Variants in MAP4 observed in about 807,000 individuals in gnomAD.
MAP4 encodes microtubule-associated protein 4.
Under a neutral mutation model 170.2 loss-of-function variants are expected in MAP4, and 76 were observed. That is an observed-to-expected ratio of 0.45 (90% CI 0.37 to 0.54). The LOEUF (loss-of-function observed/expected upper bound fraction) is 0.54. Ranked by LOEUF, MAP4 falls within the 20% of genes least tolerant of loss-of-function variation. The pLI, the probability that MAP4 is intolerant of heterozygous loss-of-function variation, is 0.00. For synonymous variants in MAP4, 909 were observed against 994.5 expected, an observed-to-expected ratio of 0.91 and a Z score of 1.62; for missense variants, 2,506 against 2,748.0, an observed-to-expected ratio of 0.91 and a Z score of 1.97.
chr3:48,029,982 C>T (rs1166330036), intron 1 of MAP4, among the ~76,000 whole-genome samples: 1 of 146,866 alleles, frequency 6.8e-6, no homozygotes, highest in African/African-American at 2.5e-5. Flanking sequence ...GAGCAAGATT[C>T]CATCTCAAAA....
intron 19 of MAP4, 38 bp from the exon 20 acceptor site, chr3:47,853,390 T>G: frequency 8.1e-6 from 11 of 1,354,332 alleles, no homozygotes; most frequent in South Asian, 1.3e-5. Flanking sequence ...GCAGGGTCAG[T>G]CGAGGGGGGG....
rs377397680 is a variant in MAP4 at position 47,917,172 on chromosome 3, G to A, written c.655C>T (p.Pro219Ser). The change falls in exon 7 of 21, where the codon CCC (proline) becomes TCC (serine). Residue 219 changes from proline (P) to serine (S), a missense_variant and splice_region_variant. This residue lies in a region of MAP4 where 2,008 missense variants were observed against 2,206.0 expected (regional missense o/e 0.91). Coordinates refer to ENST00000683076, the MANE Select transcript of MAP4 (RefSeq NM_001385682.1). ...TCTATCTCCTTGGCTAGCTCTAAGG[G>A]AACTAAATTGGAAATTTAGGACACA... ...VAEPPQPTAV[P>S]LELAKEIEMA... The A allele has an allele frequency of 6.2e-7, 1 of 1,609,004 alleles. No individual in the cohort carries two copies. The highest frequency in any genetic ancestry group is 8.5e-7 in the Non-Finnish European group (1 of 1,177,804).
intron 10 of MAP4, among the ~76,000 whole-genome samples, chr3:47,895,635 T>C (rs1467090405): frequency 6.6e-6 from 1 of 152,236 alleles, no homozygotes; most frequent in African/African-American, 2.4e-5. Flanking sequence ...TATAGCCAAA[T>C]TATTTTTAGT....
At chr3:47,888,701 G>C (rs1445830135) in intron 10 of MAP4, among the ~76,000 whole-genome samples, 2 of 152,224 alleles carry the variant, frequency 1.3e-5, no homozygotes, top group Admixed American at 1.3e-4. Context: ...ACAGTAGTAA[G>C]CTTTAAACTT....
chr3:48,040,075 G>A (rs1402140882), intron 1 of MAP4, among the ~76,000 whole-genome samples: 1 of 152,096 alleles, frequency 6.6e-6, no homozygotes, highest in Non-Finnish European at 1.5e-5. Context: ...GCAGTCATCA[G>A]TTTGGAATCT....
At chr3:48,045,539 C>T (rs879877916) in intron 1 of MAP4, among the ~76,000 whole-genome samples, 4 of 152,012 alleles carry the variant, frequency 2.6e-5, no homozygotes, top group Non-Finnish European at 5.9e-5. Flanking sequence ...AGTTTTATCC[C>T]GAAAACATCC....
rs57673370 is a variant in MAP4, at chr3:47,996,737, GACACACACACAC to G, written c.223+1889_223+1900del. ...GATCCAGCATTCAATCAAAAACTAA[GACACACACACAC>G]ACACACACACACACACACACACAGA... is the stretch of plus-strand genomic sequence containing the variant. On this transcript the variant is annotated intron_variant, in intron 2 of 20. Coordinates refer to ENST00000683076, the MANE Select transcript of MAP4 (RefSeq NM_001385682.1). Among the ~76,000 whole-genome samples the G allele has an allele frequency of 3.4e-4, 50 of 146,546 alleles. 1 individual carries two copies. Among genetic ancestry groups the G allele is most frequent in the Admixed American group, 2.2e-3 (33 of 14,720 alleles).
chr3:47,972,811 G>A (rs982993485), intron 3 of MAP4, among the ~76,000 whole-genome samples: 6 of 151,932 alleles, frequency 3.9e-5, no homozygotes, highest in African/African-American at 9.7e-5. Flanking sequence ...GCGTGAACCC[G>A]GGAAGCGGAG....
chr3:48,040,502 C>A (rs988650856), intron 1 of MAP4, among the ~76,000 whole-genome samples: 1 of 152,166 alleles, frequency 6.6e-6, no homozygotes, highest in Non-Finnish European at 1.5e-5. Context: ...ATCTCCTGAC[C>A]TTGTGATCCG....
chr3:48,003,660 T>C (rs2100100574), intron 1 of MAP4, among the ~76,000 whole-genome samples: 1 of 152,078 alleles, frequency 6.6e-6, no homozygotes, highest in African/African-American at 2.4e-5. Context: ...ACAGCTCAGT[T>C]TGGTCAGCAA....
chr3:47,910,176 T>G lies in MAP4; in HGVS notation c.4245A>C (p.Thr1415=). Reference sequence around the variant, plus strand: ...CTGATGGTGTTCTGGGACAGGTAAATGTAATATTTCTATTTTCGTCCATAT... The same window carrying G: ...CTGATGGTGTTCTGGGACAGGTAAAGGTAATATTTCTATTTTCGTCCATAT... The part of the protein sequence containing the change: ...MAYMDENRNI[T]FTCPRTPSEL... The change falls in exon 9 of 21, where the codon ACA becomes ACC. Residue 1415 remains threonine, a synonymous_variant. Coordinates refer to ENST00000683076, the MANE Select transcript of MAP4 (RefSeq NM_001385682.1). 1 of 1,613,958 alleles carries G rather than the reference T, an allele frequency of 6.2e-7. No individual in the cohort carries two copies. The highest frequency in any genetic ancestry group is 8.5e-7 in the Non-Finnish European group (1 of 1,179,894).
chr3:48,081,401 C>T (rs1318294624), intron 1 of MAP4, among the ~76,000 whole-genome samples: 1 of 152,058 alleles, frequency 6.6e-6, no homozygotes, highest in Non-Finnish European at 1.5e-5. Flanking sequence ...CATCTCTCTA[C>T]CTGAGCTGAA....
intron 3 of MAP4, among the ~76,000 whole-genome samples, chr3:47,935,794 G>A (rs948929979): frequency 6.6e-6 from 1 of 151,482 alleles, no homozygotes; most frequent in Admixed American, 6.6e-5. Flanking sequence ...AAAATTAGCC[G>A]GGGGTGTGGT....
chr3:47,914,783 G>C (rs372993002), intron 8 of MAP4, 34 bp downstream of exon 8: 33 of 1,613,504 alleles, frequency 2.0e-5, no homozygotes, highest in Middle Eastern at 1.6e-4. Context: ...CCCCTAATTT[G>C]TTTCAAAGAG....
chr3:47,972,556 T>A (rs890908858), intron 3 of MAP4, among the ~76,000 whole-genome samples: 1 of 152,220 alleles, frequency 6.6e-6, no homozygotes, highest in Non-Finnish European at 1.5e-5. Flanking sequence ...TTAACTTTTA[T>A]AATTCTGGAT....
intron 2 of MAP4, among the ~76,000 whole-genome samples, chr3:47,996,980 T>A (rs1180727241): frequency 1.3e-5 from 2 of 151,804 alleles, no homozygotes; most frequent in Non-Finnish European, 2.9e-5. Flanking sequence ...AAGTAGATAA[T>A]GCCACTGAAA....
intron 3 of MAP4, among the ~76,000 whole-genome samples, chr3:47,968,742 T>C (rs960729396): frequency 6.6e-6 from 1 of 151,122 alleles, no homozygotes; most frequent in African/African-American, 2.4e-5. Context: ...ATAAAAAAGA[T>C]TAAAGTGGAA....
At chr3:47,856,479 G>C (rs188851871) in intron 18 of MAP4, among the ~76,000 whole-genome samples, 4 of 151,682 alleles carry the variant, frequency 2.6e-5, no homozygotes, top group Admixed American at 1.3e-4. Flanking sequence ...TTTGGAGACA[G>C]AATTTCGCTC....
At chr3:48,032,800 T>G (rs991377056) in intron 1 of MAP4, among the ~76,000 whole-genome samples, 1 of 152,134 alleles carries the variant, frequency 6.6e-6, no homozygotes, top group African/African-American at 2.4e-5. Flanking sequence ...GACAAAAGTG[T>G]GTATATCAAT....
Sources: gnomAD v4.1 joint callset for allele counts (sites outside exome capture counted in the v4.1 genomes callset) on GRCh38, gnomAD v4.1.1 for gene constraint, gnomAD v4.1.1 regional missense constraint, MANE v1.5 for transcripts, NCBI Gene and HGNC (gene_info 2026-07-23, HGNC 2026-07-21) for gene names.